Variants in ACAT2 observed in about 807,000 individuals in gnomAD.
ACAT2 encodes the protein acetyl-CoA acetyltransferase, cytosolic.
In ACAT2, 26 loss-of-function variants were observed where a neutral mutation model predicts 37.1. The ratio of observed to expected loss-of-function variants is 0.70; its 90% CI spans 0.51 to 0.97. ACAT2 has a LOEUF of 0.97. Ranked by LOEUF, ACAT2 falls within the 50% of genes least tolerant of loss-of-function variation. The probability of loss-of-function intolerance (pLI) is 0.00; values close to 1 mark genes in which losing one functional copy is unlikely to be tolerated. For synonymous variants in ACAT2, 156 were observed against 163.6 expected (o/e 0.95, Z 0.35); for missense variants, 468 against 489.0 (o/e 0.96, Z 0.40).
intron 4 of ACAT2, among the ~76,000 whole-genome samples, chr6:159,771,948 G>A (rs34152298): frequency 0.14 from 21,440 of 152,192 alleles, 1,898 homozygotes; most frequent in South Asian, 0.22. Context: ...GCTTCCAGCC[G>A]GGCGCGGTGG....
chr6:159,763,099 C>A, intron 2 of ACAT2, 46 bp downstream of exon 2: 1 of 1,579,522 alleles, frequency 6.3e-7, no homozygotes, highest in Non-Finnish European at 8.6e-7. Flanking sequence ...TTAGAAACAG[C>A]CCATAAACAC....
chr6:159,778,951 G>A lies in ACAT2; in HGVS notation c.*122G>A. The A allele has an allele frequency of 6.4e-7, 1 of 1,559,624 alleles. No individual in the cohort carries two copies. The highest frequency in any genetic ancestry group is 8.7e-7 in the Non-Finnish European group (1 of 1,146,550). ...CATTTCCTACATCACAAAAACCCAAGTTTACAGCTTGTACTTTACTTTAAT... is the reference window on the plus strand; with the variant it reads ...CATTTCCTACATCACAAAAACCCAAATTTACAGCTTGTACTTTACTTTAAT... On this transcript the variant is annotated 3_prime_UTR_variant, in exon 9 of 9. Coordinates refer to ENST00000367048, the MANE Select transcript of ACAT2 (RefSeq NM_005891.3).
intron 2 of ACAT2, 87 bp downstream of exon 2, chr6:159,763,140 A>ACACTCTCT: frequency 6.7e-7 from 1 of 1,500,052 alleles, no homozygotes; most frequent in East Asian, 2.3e-5. Flanking sequence ...ACACACTCAC[A>ACACTCTCT]CACTCTCTCA....
At chr6:159,762,547 T>A in intron 1 of ACAT2, 1 of 1,317,840 alleles carries the variant, frequency 7.6e-7, no homozygotes, top group Non-Finnish European at 9.8e-7. Flanking sequence ...GGTCGGGCTG[T>A]CACACAATGG....
chr6:159,771,909 A>G (rs1490893084), intron 4 of ACAT2, among the ~76,000 whole-genome samples: 1 of 146,750 alleles, frequency 6.8e-6, no homozygotes, highest in Non-Finnish European at 1.5e-5. Flanking sequence ...ACATAGTGAC[A>G]CAACAACAAC....
intron 1 of ACAT2, 90 bp from the exon 2 acceptor site, chr6:159,762,829 A>T: frequency 1.3e-6 from 2 of 1,596,978 alleles, no homozygotes; most frequent in South Asian, 2.2e-5. Flanking sequence ...TGGCCTTGCC[A>T]AACAGGGTCA....
intron 4 of ACAT2, 110 bp downstream of exon 4, chr6:159,768,738 A>C: frequency 3.3e-6 from 2 of 603,552 alleles, no homozygotes; most frequent in South Asian, 4.8e-5. Flanking sequence ...TGTCTTAAGG[A>C]TTTTTATATC....
intron 5 of ACAT2, 110 bp downstream of exon 5, chr6:159,775,423 G>A: frequency 7.5e-7 from 1 of 1,341,248 alleles, no homozygotes; most frequent in Non-Finnish European, 1.0e-6. Context: ...ATGTTTTTCA[G>A]GTTGCAAATA....
chr6:159,775,361 GT>G (rs1478290775), intron 5 of ACAT2, 48 bp downstream of exon 5: 5 of 1,584,532 alleles, frequency 3.2e-6, no homozygotes, highest in Non-Finnish European at 4.3e-6. Context: ...ATAGGTAAGA[GT>G]AACATCTAAA....
In ACAT2 at chr6:159,778,665, A is replaced by G. The variant is rs1429626082; in HGVS notation, c.1030A>G (p.Ile344Val). 1 of 1,614,074 alleles carries G rather than the reference A, an allele frequency of 6.2e-7. No homozygotes were observed. Among genetic ancestry groups the G allele is most frequent in the South Asian group, 1.1e-5 (1 of 91,076 alleles). The change falls in exon 9 of 9, where the codon ATT (isoleucine) becomes GTT (valine). Residue 344 changes from isoleucine (I) to valine (V), a missense_variant. Ile to Val is a conservative substitution (Grantham distance 29). Coordinates refer to ENST00000367048, the MANE Select transcript of ACAT2 (RefSeq NM_005891.3). The part of the protein sequence containing the change: ...ELGLNPEKVN[I>V]EGGAIALGHP... ...ATCTTTTCTCCCCCGTTAGGTCAAT[A>G]TTGAAGGAGGGGCTATAGCCTTGGG...
At chr6:159,772,478 T>C (rs1271351049) in intron 4 of ACAT2, among the ~76,000 whole-genome samples, 1 of 152,150 alleles carries the variant, frequency 6.6e-6, no homozygotes, top group Non-Finnish European at 1.5e-5. Flanking sequence ...GAAATTAAAG[T>C]CTTTTCAACA....
chr6:159,762,581 T>G lies in ACAT2; in HGVS notation c.56-338T>G, dbSNP rs560324322. 2.7e-5 allele frequency: 37 copies of G among 1,361,584 alleles called. No individual in the cohort carries two copies. The African/African-American group carries it at 5.4e-4, about 20-fold the overall frequency. The allele number at this position is 1,361,584 out of a possible 1,614,324, so 84.3% of individuals were successfully genotyped here. A position where few individuals can be genotyped will look rare whatever the true frequency, so the allele number is the denominator to read the frequency against. Reference sequence around the variant, plus strand: ...GGCTAGAAGTCGTGACTTCGTCTCCTTCGTGCCGCATGGTTTTCAACGCCC... The same window carrying G: ...GGCTAGAAGTCGTGACTTCGTCTCCGTCGTGCCGCATGGTTTTCAACGCCC... On this transcript the variant is annotated intron_variant, in intron 1 of 8. Transcript: ENST00000367048.
intron 6 of ACAT2, 146 bp downstream of exon 6, chr6:159,776,418 A>C: frequency 9.5e-7 from 1 of 1,052,106 alleles, no homozygotes; most frequent in Non-Finnish European, 1.3e-6. Flanking sequence ...CAGCAATATG[A>C]TCATTGCTCA....
In ACAT2 at chr6:159,774,394, A is replaced by G. The variant is rs11758939; in HGVS notation, c.491-776A>G. On this transcript the variant is annotated intron_variant, in intron 4 of 8. Transcript: ENST00000367048. ...AGGACATTACTGAAATATAGGTGAA[A>G]TTTGAATGTGGACCAAGGATTAGAT... Among the ~76,000 whole-genome samples the G allele has an allele frequency of 6.9e-3, 1,056 of 152,312 alleles. 14 individuals are homozygous for G. The highest frequency in any genetic ancestry group is 7.0e-3 in the Non-Finnish European group (474 of 68,016).
At position 159,778,672 on chromosome 6, in the gene ACAT2, G is replaced by T; in HGVS notation, c.1037G>T (p.Gly346Val). 1 of 1,614,108 alleles carries T rather than the reference G, an allele frequency of 6.2e-7. No individual in the cohort carries two copies. The highest frequency in any genetic ancestry group is 8.5e-7 in the Non-Finnish European group (1 of 1,179,994). Residue 346 changes from glycine (G) to valine (V), a missense_variant, in exon 9 of 9, where the codon GGA becomes GTA. Coordinates refer to ENST00000367048, the MANE Select transcript of ACAT2 (RefSeq NM_005891.3). The part of the protein sequence containing the change: ...GLNPEKVNIE[G>V]GAIALGHPLG... ...CTCCCCCGTTAGGTCAATATTGAAG[G>T]AGGGGCTATAGCCTTGGGCCACCCT...
intron 1 of ACAT2, 186 bp downstream of exon 1, chr6:159,762,328 CCCTCT>C: frequency 8.2e-7 from 1 of 1,215,466 alleles, no homozygotes. Flanking sequence ...TACAGCCCCA[CCCTCT>C]CCTCTCCCGA....
At chr6:159,765,681 CT>C (rs60271912) in intron 2 of ACAT2, among the ~76,000 whole-genome samples, 371 of 9,420 alleles carry the variant, frequency 0.039, 3 homozygotes, top group African/African-American at 0.093. Context: ...ATGCGCCCCC[CT>C]CCCCCGGCCT....
Position 159,778,801 on chromosome 6 carries a change from G to C in ACAT2, c.1166G>C (p.Gly389Ala), listed in dbSNP as rs1452815564. 1 of 1,614,188 alleles carries C rather than the reference G, an allele frequency of 6.2e-7. No individual in the cohort carries two copies. Among genetic ancestry groups the C allele is most frequent in the Admixed American group, 1.7e-5 (1 of 60,016 alleles). Residue 389 changes from glycine (G) to alanine (A), a missense_variant, in exon 9 of 9, where the codon GGA becomes GCA. Physicochemically the swap from Gly to Ala is moderately conservative, Grantham distance 60. Transcript: ENST00000367048. ...GCCCTGTGCATTGGGGGTGGGATGG[G>C]AATAGCAATGTGTGTTCAGAGAGAA... is the stretch of plus-strand genomic sequence containing the variant. ...VAALCIGGGM[G>A]IAMCVQRE
At chr6:159,770,303 G>GA (rs963694070) in intron 4 of ACAT2, among the ~76,000 whole-genome samples, 1 of 152,006 alleles carries the variant, frequency 6.6e-6, no homozygotes, top group Non-Finnish European at 1.5e-5. Flanking sequence ...AACCAGGGTG[G>GA]AAAAAAACCA....
Sources: gnomAD v4.1 joint callset for allele counts (sites outside exome capture counted in the v4.1 genomes callset) on GRCh38, gnomAD v4.1.1 for gene constraint, MANE v1.5 for transcripts, NCBI Gene and HGNC (gene_info 2026-07-23, HGNC 2026-07-21) for gene names.